The following NAALADL2 variants were observed in gnomAD, a reference collection of about 807,000 sequenced individuals.
The protein encoded by NAALADL2 is N-acetylated alpha-linked acidic dipeptidase like 2.
Under a neutral mutation model 87.2 loss-of-function variants are expected in NAALADL2, and 76 were observed. The ratio of observed to expected loss-of-function variants is 0.87; its 90% CI spans 0.72 to 1.05. The LOEUF is 1.05. Among genes scored for constraint, NAALADL2 ranks in the 50% least tolerant of loss-of-function variants. The pLI, the probability that NAALADL2 is intolerant of heterozygous loss-of-function variation, is 0.00. For missense variants in NAALADL2, 1,089 were observed against 945.8 expected (o/e 1.15, Z -1.99); for synonymous variants, 354 against 331.0 (o/e 1.07, Z -0.75).
chr3:175,547,295 G>A (rs1325581337), intron 9 of NAALADL2, among the ~76,000 whole-genome samples: 1 of 152,084 alleles, frequency 6.6e-6, no homozygotes, highest in Non-Finnish European at 1.5e-5. Context: ...CTACAAACCT[G>A]ATAAAAACAA....
At chr3:174,476,543 T>G (rs936223145) in intron 1 of NAALADL2, among the ~76,000 whole-genome samples, 2 of 152,152 alleles carry the variant, frequency 1.3e-5, no homozygotes, top group East Asian at 3.9e-4. Flanking sequence ...GGCTTATTCA[T>G]TTTTGCACTT....
chr3:174,994,134 A>G (rs150531565), intron 1 of NAALADL2, among the ~76,000 whole-genome samples: 4 of 152,340 alleles, frequency 2.6e-5, no homozygotes, highest in Admixed American at 2.6e-4. Context: ...TGTTGGGGGA[A>G]GGTGACACTA....
At chr3:175,330,130 A>G (rs947395639) in intron 5 of NAALADL2, among the ~76,000 whole-genome samples, 2 of 152,354 alleles carry the variant, frequency 1.3e-5, no homozygotes, top group African/African-American at 2.4e-5. Context: ...ACAAAAATCC[A>G]TGATGAATTC....
chr3:175,601,161 G>T (rs1468298456), intron 10 of NAALADL2, among the ~76,000 whole-genome samples: 1 of 151,690 alleles, frequency 6.6e-6, no homozygotes, highest in African/African-American at 2.4e-5. Context: ...AATTTATTTT[G>T]ATGTACCTGA....
chr3:175,090,945 C>T (rs1719994434), intron 1 of NAALADL2, among the ~76,000 whole-genome samples: 1 of 147,194 alleles, frequency 6.8e-6, no homozygotes, highest in Non-Finnish European at 1.5e-5. Flanking sequence ...TAGCAGTTGC[C>T]AAGACCATTT....
chr3:174,777,978 A>C (rs1321419099), intron 3 of NAALADL2, among the ~76,000 whole-genome samples: 1 of 152,148 alleles, frequency 6.6e-6, no homozygotes, highest in Non-Finnish European at 1.5e-5. Context: ...ATAAATATGC[A>C]TATCTTTTAG....
chr3:174,556,570 T>C (rs1344521750), intron 2 of NAALADL2, among the ~76,000 whole-genome samples: 3 of 152,184 alleles, frequency 2.0e-5, no homozygotes, highest in African/African-American at 7.2e-5. Flanking sequence ...TTGATCTGGC[T>C]TTAAAATCTA....
At chr3:174,526,995 T>C (rs1257673674) in intron 1 of NAALADL2, among the ~76,000 whole-genome samples, 4 of 152,062 alleles carry the variant, frequency 2.6e-5, no homozygotes, top group Non-Finnish European at 5.9e-5. Context: ...TTATTAGTAG[T>C]TTATCACTAA....
intron 11 of NAALADL2, among the ~76,000 whole-genome samples, chr3:175,664,590 A>G (rs915502449): frequency 5.9e-5 from 9 of 152,188 alleles, no homozygotes; most frequent in African/African-American, 2.2e-4. Flanking sequence ...AAATTTTTAT[A>G]TAAAGAACTT....
chr3:174,484,065 G>T (rs1717716693), intron 1 of NAALADL2, among the ~76,000 whole-genome samples: 1 of 152,060 alleles, frequency 6.6e-6, no homozygotes, highest in Non-Finnish European at 1.5e-5. Flanking sequence ...AGTAACGATT[G>T]TCACAGACTG....
At chr3:175,691,550 T>C (rs1737052891) in intron 11 of NAALADL2, among the ~76,000 whole-genome samples, 1 of 151,984 alleles carries the variant, frequency 6.6e-6, no homozygotes, top group South Asian at 2.1e-4. Context: ...TAAAATTTTA[T>C]CATCTATTTT....
At chr3:175,361,907 A>G (rs1765063178) in intron 5 of NAALADL2, among the ~76,000 whole-genome samples, 1 of 147,754 alleles carries the variant, frequency 6.8e-6, no homozygotes, top group African/African-American at 2.5e-5. Flanking sequence ...TTTTGTTGCC[A>G]TTGCTTTTGG....
chr3:175,671,751 A>G (rs1306241866), intron 11 of NAALADL2, among the ~76,000 whole-genome samples: 1 of 152,044 alleles, frequency 6.6e-6, no homozygotes, highest in African/African-American at 2.4e-5. Flanking sequence ...AAAAATATTT[A>G]AAGAGAAAAC....
chr3:175,292,834 G>A (rs930377616), intron 4 of NAALADL2, among the ~76,000 whole-genome samples: 10 of 151,558 alleles, frequency 6.6e-5, no homozygotes, highest in Non-Finnish European at 1.5e-4. Flanking sequence ...TCAGGAGATC[G>A]AGACCATCCT....
intron 2 of NAALADL2, among the ~76,000 whole-genome samples, chr3:175,133,002 A>G (rs1460478135): frequency 6.6e-6 from 1 of 150,838 alleles, no homozygotes; most frequent in Non-Finnish European, 1.5e-5. Flanking sequence ...CTCACCTCCC[A>G]GACGGAGTCG....
Position 174,468,436 on chromosome 3 carries a change from A to G in NAALADL2, c.-184+27404A>G, listed in dbSNP as rs570531202. On this transcript the variant is annotated intron_variant, in intron 1 of 3. Transcript: ENST00000434257. ...CTCACTCTTGCCCAGGCTGGAGTGC[A>G]GTGGCAAGATCTTGGCTCAGTGGAA... 1.4e-3 allele frequency among the ~76,000 whole-genome samples: 192 copies of G among 140,178 alleles called. 1 individual carries two copies. The highest frequency in any genetic ancestry group is 5.0e-3 in the African/African-American group (187 of 37,298). The allele number at this position is 140,178 out of a possible 152,430, so 92.0% of individuals were successfully genotyped here.
At chr3:174,571,328 A>G (rs1714891788) in intron 2 of NAALADL2, among the ~76,000 whole-genome samples, 1 of 152,158 alleles carries the variant, frequency 6.6e-6, no homozygotes, top group Non-Finnish European at 1.5e-5. Flanking sequence ...GGGCAATGAC[A>G]GTAGTATAAA....
intron 2 of NAALADL2, among the ~76,000 whole-genome samples, chr3:174,559,924 C>T (rs1400165920): frequency 2.6e-5 from 4 of 152,306 alleles, no homozygotes; most frequent in South Asian, 2.1e-4. Context: ...GAATCAGCTC[C>T]GACTCTACCA....
rs1164564507 is a variant in NAALADL2 at position 175,255,327 on chromosome 3, T to C, written c.820-1084T>C. On this transcript the variant is annotated intron_variant, in intron 3 of 13. Coordinates refer to ENST00000454872, the MANE Select transcript of NAALADL2 (RefSeq NM_207015.3). ...ATATGTTCCTATAGAAACAATGCTC[T>C]TTCTTCAGATGAATCTTTTATGGAA... is the stretch of plus-strand genomic sequence containing the variant. 2.0e-5 allele frequency among the ~76,000 whole-genome samples: 3 copies of C among 152,254 alleles called. No homozygotes were observed. The East Asian group carries it at 5.8e-4, about 29-fold the overall frequency.
Sources: gnomAD v4.1 joint callset for allele counts (sites outside exome capture counted in the v4.1 genomes callset) on GRCh38, gnomAD v4.1.1 for gene constraint, MANE v1.5 for transcripts, NCBI Gene and HGNC (gene_info 2026-07-23, HGNC 2026-07-21) for gene names.